The following BEND7 variants were observed in gnomAD, a reference collection of about 807,000 sequenced individuals.
The protein encoded by BEND7 is BEN domain-containing protein 7.
A neutral mutation model predicts 50.9 loss-of-function variants in BEND7; 28 were observed. The ratio of observed to expected loss-of-function variants is 0.55; its 90% CI spans 0.41 to 0.75. The LOEUF (loss-of-function observed/expected upper bound fraction) is 0.75, where lower values mean the gene tolerates loss of function less well. Ranked by LOEUF, BEND7 falls within the 30% of genes least tolerant of loss-of-function variation. The pLI is 0.00. For synonymous variants in BEND7, 170 were observed against 183.9 expected (o/e 0.92, Z 0.61); for missense variants, 477 against 491.3 (o/e 0.97, Z 0.28).
chr10:13,465,080 C>T (rs975447931), intron 6 of BEND7, among the ~76,000 whole-genome samples: 2 of 152,174 alleles, frequency 1.3e-5, no homozygotes, highest in African/African-American at 2.4e-5. Context: ...GCAGAGATCA[C>T]GTCTTCCATT....
intron 6 of BEND7, among the ~76,000 whole-genome samples, chr10:13,464,916 C>T (rs993774560): frequency 2.6e-5 from 4 of 152,184 alleles, no homozygotes; most frequent in Admixed American, 1.3e-4. Context: ...AATTTGCCTT[C>T]GGGGAATAAC....
intron 2 of BEND7, chr10:13,500,579 C>T: frequency 3.0e-6 from 3 of 988,278 alleles, no homozygotes; most frequent in East Asian, 1.1e-4. Context: ...CGCAGGGCTT[C>T]ACTACTGACA....
chr10:13,447,190 A>G, intron 8 of BEND7, 76 bp downstream of exon 8: 4 of 1,475,952 alleles, frequency 2.7e-6, no homozygotes, highest in Non-Finnish European at 3.7e-6. Context: ...CTAATGTTAA[A>G]ATCGTTTTCA....
chr10:13,528,953 T>G lies in BEND7; in HGVS notation c.-420A>C, dbSNP rs2079577390. ...CGGCCCGCCTGGGCTCAGCCTGCGG[T>G]CGCGGCGGCGGCGGCGGCGGCCCCG... On this transcript the variant is annotated 5_prime_UTR_variant, in exon 1 of 9. Coordinates refer to ENST00000466271, the MANE Select transcript of BEND7 (RefSeq NM_001369863.1). 1.5e-5 allele frequency: 2 copies of G among 134,636 alleles called. No individual in the cohort carries two copies. Among genetic ancestry groups the G allele is most frequent in the African/African-American group, 2.8e-5 (1 of 36,236 alleles). 8.3% of individuals were successfully genotyped at this position (134,636 alleles called of 1,614,324 possible). A position where few individuals can be genotyped will look rare whatever the true frequency, so the allele number is the denominator to read the frequency against.
At position 13,441,284 on chromosome 10, in the gene BEND7, T is replaced by A; in HGVS notation, c.*459A>T. The A allele has an allele frequency of 1.1e-6, 1 of 947,198 alleles. No individual in the cohort carries two copies. Among genetic ancestry groups the A allele is most frequent in the Non-Finnish European group, 1.3e-6 (1 of 795,152 alleles). 58.7% of individuals were successfully genotyped at this position (947,198 alleles called of 1,614,324 possible). On this transcript the variant is annotated 3_prime_UTR_variant, in exon 9 of 9. Coordinates refer to ENST00000466271, the MANE Select transcript of BEND7 (RefSeq NM_001369863.1). ...ATATATACAGAAGATTGAGACATTA[T>A]CCATAGATATGGATTTTTTTTTTGC...
At chr10:13,517,990 A>C (rs1176037878) in intron 2 of BEND7, among the ~76,000 whole-genome samples, 1 of 152,232 alleles carries the variant, frequency 6.6e-6, no homozygotes, top group African/African-American at 2.4e-5. Context: ...TATGAGATGC[A>C]AAACACACTG....
rs892357498 is a variant in BEND7 at position 13,528,522 on chromosome 10, G to C, written c.12C>G (p.Ser4=). 61 of 1,037,240 alleles carry C rather than the reference G, an allele frequency of 5.9e-5. No individual in the cohort carries two copies. The highest frequency in any genetic ancestry group is 6.0e-5 in the Non-Finnish European group (52 of 863,154). 64.3% of individuals were successfully genotyped at this position (1,037,240 alleles called of 1,614,324 possible). A position where few individuals can be genotyped will look rare whatever the true frequency, so the allele number is the denominator to read the frequency against. The part of the protein sequence containing the change: MEF[S]ERKRSRKSQS... ...GGGATTTCCTGCTTCTTTTCCTCTC[G>C]GAGAACTCCATGGTGCGGGGAAGGC... is the stretch of plus-strand genomic sequence containing the variant. Residue 4 remains serine (S), a synonymous_variant, in exon 1 of 9, where the codon TCC becomes TCG. Coordinates refer to ENST00000466271, the MANE Select transcript of BEND7 (RefSeq NM_001369863.1).
intron 5 of BEND7, among the ~76,000 whole-genome samples, chr10:13,484,001 G>A (rs1175974835): frequency 6.6e-6 from 1 of 152,154 alleles, no homozygotes. Flanking sequence ...CAATGCAGAT[G>A]CTGTCACTGC....
chr10:13,467,226 C>G (rs1263079159), intron 6 of BEND7, among the ~76,000 whole-genome samples: 1 of 152,198 alleles, frequency 6.6e-6, no homozygotes, highest in Non-Finnish European at 1.5e-5. Flanking sequence ...AGACTTTTAT[C>G]TGATCCTCAC....
chr10:13,447,107 T>C (rs893862853), intron 8 of BEND7, 159 bp downstream of exon 8: 1 of 718,594 alleles, frequency 1.4e-6, no homozygotes, highest in East Asian at 2.7e-5. Context: ...CATCTCTGAG[T>C]ACGGGGCCTT....
At chr10:13,449,829 T>G (rs967365534) in intron 7 of BEND7, among the ~76,000 whole-genome samples, 1 of 152,208 alleles carries the variant, frequency 6.6e-6, no homozygotes. Flanking sequence ...GCTAGCTGCA[T>G]GAATAGGGGC....
chr10:13,488,701 A>T (rs1198251320), intron 5 of BEND7, among the ~76,000 whole-genome samples: 1 of 138,970 alleles, frequency 7.2e-6, no homozygotes, highest in African/African-American at 3.4e-5. Context: ...GTTGGCCAGG[A>T]CTGTCTCAAT....
intron 2 of BEND7, among the ~76,000 whole-genome samples, chr10:13,503,571 G>A (rs773082379): frequency 2.0e-5 from 3 of 152,152 alleles, no homozygotes; most frequent in Non-Finnish European, 2.9e-5. Context: ...AAGTTAGCTG[G>A]GCGTGGCAGC....
intron 2 of BEND7, among the ~76,000 whole-genome samples, chr10:13,515,358 A>G (rs1003533971): frequency 4.6e-5 from 7 of 152,268 alleles, no homozygotes; most frequent in African/African-American, 1.7e-4. Context: ...CAGTATAATT[A>G]GTTTTCTCCA....
chr10:13,463,324 A>G (rs1400172062), intron 6 of BEND7, among the ~76,000 whole-genome samples: 1 of 152,232 alleles, frequency 6.6e-6, no homozygotes, highest in Non-Finnish European at 1.5e-5. Flanking sequence ...ACAGAGGCAA[A>G]GAACTGGAGA....
intron 6 of BEND7, among the ~76,000 whole-genome samples, chr10:13,467,709 G>T (rs1457565054): frequency 6.6e-6 from 1 of 152,140 alleles, no homozygotes; most frequent in Non-Finnish European, 1.5e-5. Flanking sequence ...AACTTGTCAT[G>T]GAGAAGTTGT....
intron 2 of BEND7, chr10:13,502,936 C>T (rs1001568925): frequency 2.9e-5 from 29 of 985,124 alleles, no homozygotes; most frequent in Non-Finnish European, 3.5e-5. Context: ...GTGTCTCCTG[C>T]CAAAGGTCCT....
At position 13,471,254 on chromosome 10, in the gene BEND7, T is replaced by C. The variant is rs559331528; in HGVS notation, c.1063+9645A>G. ...TCAGTCATTGGCTTGGGGTAATAAA[T>C]ATGTTGTTAGCAGAAATTTCATGCC... On this transcript the variant is annotated intron_variant, in intron 6 of 8. Transcript: ENST00000466271. 2.6e-5 allele frequency among the ~76,000 whole-genome samples: 4 copies of C among 152,360 alleles called. No homozygotes were observed. The South Asian group carries it at 8.3e-4, about 32-fold the overall frequency.
At chr10:13,448,270 T>C (rs1836869013) in intron 7 of BEND7, among the ~76,000 whole-genome samples, 1 of 152,088 alleles carries the variant, frequency 6.6e-6, no homozygotes. Context: ...GGCTTGTTAG[T>C]TTCCCGTAAC....
Sources: allele counts gnomAD v4.1 joint callset (sites outside exome capture counted in the v4.1 genomes callset), GRCh38; gene constraint gnomAD v4.1.1; transcripts MANE v1.5; gene names NCBI Gene and HGNC (gene_info 2026-07-23, HGNC 2026-07-21).